GCKR: variants seen among roughly 807,000 people sequenced by gnomAD.
GCKR encodes glucokinase regulator.
In GCKR, 73 loss-of-function variants were observed where a neutral mutation model predicts 82.9. The ratio of observed to expected loss-of-function variants is 0.88; its 90% CI spans 0.73 to 1.07. The LOEUF (loss-of-function observed/expected upper bound fraction) is 1.07. Ranked by LOEUF, GCKR falls within the 50% of genes least tolerant of loss-of-function variation. The pLI is 0.00. For missense variants in GCKR, 784 were observed against 782.1 expected (o/e 1.00, Z -0.03); for synonymous variants, 294 against 291.8 (o/e 1.01, Z -0.08).
At chr2:27,518,766 C>T (rs8179236) in intron 16 of GCKR, 22 bp from the exon 17 acceptor site, 3 of 1,605,994 alleles carry the variant, frequency 1.9e-6, no homozygotes, top group Admixed American at 3.3e-5. Context: ...TTTTGACACC[C>T]CCATGTGTCT....
chr2:27,504,032 A>G (rs1669646659), intron 9 of GCKR, among the ~76,000 whole-genome samples: 1 of 152,152 alleles, frequency 6.6e-6, no homozygotes, highest in African/African-American at 2.4e-5. Context: ...CCTCTCCAAA[A>G]TTGGGTGGCC....
intron 16 of GCKR, among the ~76,000 whole-genome samples, chr2:27,512,474 G>A (rs1324518660): frequency 1.3e-5 from 2 of 150,884 alleles, no homozygotes; most frequent in African/African-American, 4.9e-5. Context: ...GGTGGAGGTT[G>A]CAGTGAACCG....
chr2:27,522,664 C>A lies in GCKR; in HGVS notation c.1707+70C>A, dbSNP rs373070011. ...CTTTCAGTGTGTCAGGAAGTTTGTT[C>A]GGCACTGGGTTTACAAAGCTCAGTG... On this transcript the variant is annotated intron_variant, in intron 18 of 18. Transcript: ENST00000264717. 17 of 1,337,824 alleles carry A rather than the reference C, an allele frequency of 1.3e-5. 1 individual carries two copies. In the African/African-American group the frequency reaches 2.3e-4, roughly 18 times the overall value. 82.9% of individuals were successfully genotyped at this position (1,337,824 alleles called of 1,614,324 possible).
intron 16 of GCKR, among the ~76,000 whole-genome samples, chr2:27,508,585 A>G (rs376310577): frequency 7.9e-5 from 12 of 152,090 alleles, no homozygotes; most frequent in African/African-American, 2.9e-4. Flanking sequence ...CAGTGGTGCA[A>G]TCTTGGCTCA....
chr2:27,510,307 C>T (rs1392469270), intron 16 of GCKR, among the ~76,000 whole-genome samples: 1 of 152,192 alleles, frequency 6.6e-6, no homozygotes, highest in Non-Finnish European at 1.5e-5. Context: ...CCACGCCCGG[C>T]CACTACTATC....
In GCKR at chr2:27,503,594, C is replaced by G. The variant is rs1669637003; in HGVS notation, c.725C>G (p.Ala242Gly). Residue 242 changes from alanine (A) to glycine (G), a missense_variant, in exon 9 of 19, where the codon GCT (alanine) becomes GGT (glycine). Physicochemically the swap from Ala to Gly is moderately conservative, Grantham distance 60 (BLOSUM62 0). Transcript: ENST00000264717. Reference sequence around the variant, plus strand: ...CAGAAAATGCAGGAGAAACAGAAAGCTTTTGTGCTCAATCCTGCCATCGGG... The same window carrying G: ...CAGAAAATGCAGGAGAAACAGAAAGGTTTTGTGCTCAATCCTGCCATCGGG... Reference protein sequence around the residue: ...RMQKMQEKQKAFVLNPAIGPE... With the variant: ...RMQKMQEKQKGFVLNPAIGPE... 8 of 1,605,334 alleles carry G rather than the reference C, an allele frequency of 5.0e-6. No homozygotes were observed. The highest frequency in any genetic ancestry group is 6.8e-6 in the Non-Finnish European group (8 of 1,172,020).
Position 27,506,406 on chromosome 2 carries a change from C to A in GCKR, c.870-75C>A, listed in dbSNP as rs183488500. ...TTCTAAGGGAGCTGTGCCTTCACCTCCCCGCTCAGGGAGGCACCTAAGCTT... is the reference window on the plus strand; with the variant it reads ...TTCTAAGGGAGCTGTGCCTTCACCTACCCGCTCAGGGAGGCACCTAAGCTT... On this transcript the variant is annotated intron_variant, in intron 10 of 18. Coordinates refer to ENST00000264717, the MANE Select transcript of GCKR (RefSeq NM_001486.4). 2,396 of 964,160 alleles carry A rather than the reference C, an allele frequency of 2.5e-3. 8 individuals are homozygous for A. Among genetic ancestry groups the A allele is most frequent in the South Asian group, 6.4e-3 (495 of 77,712 alleles). The allele number at this position is 964,160 out of a possible 1,614,324, so 59.7% of individuals were successfully genotyped here.
rs779751464 is a variant in GCKR at position 27,518,868 on chromosome 2, A to G, written c.1503A>G (p.Leu501=). ...CTCATGTGCTTCTTGGTAAGATCCT[A>G]CAAAACCACATGTTGGACCTTCGGA... ...TGAHVLLGKI[L]QNHMLDLRIS... is the part of the protein sequence containing the mutation. Residue 501 remains leucine (L), a synonymous_variant, in exon 17 of 19, where the codon CTA becomes CTG. Transcript: ENST00000264717. 1.5e-5 allele frequency: 25 copies of G among 1,613,588 alleles called. No homozygotes were observed. In the South Asian group the frequency reaches 2.5e-4, roughly 16 times the overall value.
chr2:27,503,647 C>T (rs774332855), intron 9 of GCKR, 28 bp downstream of exon 9: 8 of 1,170,336 alleles, frequency 6.8e-6, no homozygotes, highest in South Asian at 1.2e-5. Context: ...TCTATGTTCT[C>T]CACCCCTCCA....
Position 27,498,265 on chromosome 2 carries a change from G to C in GCKR, c.296G>C (p.Gly99Ala), listed in dbSNP as rs1333851862. Residue 99 changes from glycine to alanine, a missense_variant, in exon 4 of 19, where the codon GGG becomes GCG. By Grantham distance (60) the Gly-to-Ala change is moderately conservative. Transcript: ENST00000264717. ...TCTTTCCTTCTTCAGGAGCCAGATG[G>C]GGGGCTGGTTGTGCTGAGTGGAGGG... Reference protein sequence around the residue: ...KVQEVLKEPDGGLVVLSGGGT... With the variant: ...KVQEVLKEPDAGLVVLSGGGT... 6.2e-7 allele frequency: 1 copy of C among 1,613,098 alleles called. No homozygotes were observed. Among genetic ancestry groups the C allele is most frequent in the Non-Finnish European group, 8.5e-7 (1 of 1,179,104 alleles).
chr2:27,521,202 T>C (rs1670143609), intron 17 of GCKR, among the ~76,000 whole-genome samples: 1 of 152,162 alleles, frequency 6.6e-6, no homozygotes, highest in Non-Finnish European at 1.5e-5. Context: ...CATTGGGTTA[T>C]ATATTGGGTT....
At chr2:27,519,913 T>G (rs867709385) in intron 17 of GCKR, among the ~76,000 whole-genome samples, 8 of 152,158 alleles carry the variant, frequency 5.3e-5, no homozygotes, top group Middle Eastern at 3.4e-3. Flanking sequence ...CGATAGATCC[T>G]CAGAGGAAAA....
chr2:27,506,681 T>C, intron 11 of GCKR, 102 bp downstream of exon 11: 1 of 1,094,706 alleles, frequency 9.1e-7, no homozygotes, highest in Non-Finnish European at 1.4e-6. Context: ...GGCGATAGGA[T>C]TGCATGTTGA....
In GCKR at chr2:27,523,298, A is replaced by G; in HGVS notation, c.1737A>G (p.Leu579=). The G allele has an allele frequency of 1.2e-6, 2 of 1,612,950 alleles. No homozygotes were observed. Among genetic ancestry groups the G allele is most frequent in the Non-Finnish European group, 8.5e-7 (1 of 1,179,872 alleles). The change falls in exon 19 of 19, where the codon CTA becomes CTG. Residue 579 remains leucine (L), a synonymous_variant. Transcript: ENST00000264717. ...TACCCATCGCCTTGCTGAGCCTCCT[A>G]TTCCGGTGCTCGATCACTGAGGCTC... is the stretch of plus-strand genomic sequence containing the variant. The part of the protein sequence containing the change: ...QVIPIALLSL[L]FRCSITEAQA...
chr2:27,503,092 C>G (rs1347481731), intron 8 of GCKR, among the ~76,000 whole-genome samples: 2 of 152,196 alleles, frequency 1.3e-5, no homozygotes, highest in African/African-American at 4.8e-5. Flanking sequence ...GGAGGGATTT[C>G]CAGAATGTAT....
At chr2:27,512,651 C>T (rs1020815586) in intron 16 of GCKR, among the ~76,000 whole-genome samples, 1 of 152,108 alleles carries the variant, frequency 6.6e-6, no homozygotes, top group Non-Finnish European at 1.5e-5. Context: ...TACTTTTCCA[C>T]TCAGGAAAAT....
chr2:27,501,233 A>G lies in GCKR; in HGVS notation c.644+4A>G, dbSNP rs1220638092. 1.9e-6 allele frequency: 3 copies of G among 1,600,888 alleles called. No homozygotes were observed. Among genetic ancestry groups the G allele is most frequent in the Non-Finnish European group, 2.6e-6 (3 of 1,168,050 alleles). On this transcript the variant is annotated splice_donor_region_variant and intron_variant, in intron 8 of 18. Coordinates refer to ENST00000264717, the MANE Select transcript of GCKR (RefSeq NM_001486.4). ...TCAATCCAGTGAGCATGGCCAGGTGAGCCTTCTGGAATGACTGGGCAGCCC... is the reference window on the plus strand; with the variant it reads ...TCAATCCAGTGAGCATGGCCAGGTGGGCCTTCTGGAATGACTGGGCAGCCC...
At chr2:27,522,267 C>G (rs1222351091) in intron 17 of GCKR, among the ~76,000 whole-genome samples, 193 bp from the exon 18 acceptor site, 2 of 152,142 alleles carry the variant, frequency 1.3e-5, no homozygotes, top group Non-Finnish European at 2.9e-5. Flanking sequence ...ACCACCAACC[C>G]CTTTAACCTA....
chr2:27,508,147 C>G, intron 15 of GCKR, 21 bp from the exon 16 acceptor site: 1 of 1,592,804 alleles, frequency 6.3e-7, no homozygotes, highest in Non-Finnish European at 8.6e-7. Context: ...GCCTCTCCTG[C>G]TCCTCTTTCT....
Sources: allele counts gnomAD v4.1 joint callset (sites outside exome capture counted in the v4.1 genomes callset), GRCh38; gene constraint gnomAD v4.1.1; transcripts MANE v1.5; gene names NCBI Gene and HGNC (gene_info 2026-07-23, HGNC 2026-07-21).